SPOPL: variants seen among roughly 807,000 people sequenced by gnomAD.
SPOPL encodes speckle-type POZ protein-like.
Under a neutral mutation model 53.8 loss-of-function variants are expected in SPOPL, and 23 were observed. That is an observed-to-expected ratio of 0.43 (90% CI 0.31 to 0.61). SPOPL has a LOEUF of 0.61. SPOPL is among the 20% of genes least tolerant of loss of function. The pLI, the probability that SPOPL is intolerant of heterozygous loss-of-function variation, is 0.12. For synonymous variants in SPOPL, 164 were observed against 149.7 expected (o/e 1.10, Z -0.70); for missense variants, 442 against 466.9 (o/e 0.95, Z 0.49).
intron 1 of SPOPL, among the ~76,000 whole-genome samples, chr2:138,534,878 T>C (rs1684894418): frequency 6.6e-6 from 1 of 152,262 alleles, no homozygotes; most frequent in African/African-American, 2.4e-5. Context: ...CTATCTTCTT[T>C]CACTTAGCAT....
rs941799588 is a variant in SPOPL, at chr2:138,526,670, G to A, written c.-60-23487G>A. Among the ~76,000 whole-genome samples the A allele has an allele frequency of 1.5e-4, 22 of 151,700 alleles. No individual in the cohort carries two copies. The East Asian group carries it at 2.5e-3, about 17-fold the overall frequency. On this transcript the variant is annotated intron_variant, in intron 1 of 10. Transcript: ENST00000280098. Reference sequence around the variant, plus strand: ...AAATATAGGATGTCAAACTTTTCAAGTATGTGTTGTCTGAAAATGTCCTTT... The same window carrying A: ...AAATATAGGATGTCAAACTTTTCAAATATGTGTTGTCTGAAAATGTCCTTT...
At chr2:138,517,820 G>C (rs1266975657) in intron 1 of SPOPL, among the ~76,000 whole-genome samples, 4 of 151,882 alleles carry the variant, frequency 2.6e-5, no homozygotes, top group Non-Finnish European at 5.9e-5. Flanking sequence ...GCCGAGGCGG[G>C]CGGATCACCT....
At position 138,536,534 on chromosome 2, in the gene SPOPL, A is replaced by G. The variant is rs1684940446; in HGVS notation, c.-60-13623A>G. 3.3e-5 allele frequency among the ~76,000 whole-genome samples: 5 copies of G among 152,204 alleles called. 1 individual carries two copies. The South Asian group carries it at 1.0e-3, about 31-fold the overall frequency. Reference sequence around the variant, plus strand: ...ACTGTTTTCAACAATGCCCTGGGGCATTATGTTGTTCTGCAGACTCATCAA... The same window carrying G: ...ACTGTTTTCAACAATGCCCTGGGGCGTTATGTTGTTCTGCAGACTCATCAA... On this transcript the variant is annotated intron_variant, in intron 1 of 10. Transcript: ENST00000280098.
intron 1 of SPOPL, among the ~76,000 whole-genome samples, chr2:138,516,818 C>G (rs1684447731): frequency 6.6e-6 from 1 of 152,294 alleles, no homozygotes; most frequent in African/African-American, 2.4e-5. Flanking sequence ...TTCCTTTTTT[C>G]TAGATCCTTC....
Position 138,569,003 on chromosome 2 carries a change from G to A in SPOPL, c.1102G>A (p.Ala368Thr). 1.2e-6 allele frequency: 2 copies of A among 1,614,060 alleles called. No individual in the cohort carries two copies. Among genetic ancestry groups the A allele is most frequent in the Non-Finnish European group, 1.7e-6 (2 of 1,179,932 alleles). Reference protein sequence around the residue: ...SMIQSHPHLVAEAFRALASAQ... With the variant: ...SMIQSHPHLVTEAFRALASAQ... The stretch of plus-strand genomic sequence containing the variant: ...GATTCAGTCTCACCCTCATTTAGTA[G>A]CAGAAGCCTTTCGAGCACTAGCATC... The change falls in exon 11 of 11, where the codon GCA becomes ACA. Residue 368 changes from alanine (A) to threonine (T), a missense_variant. Ala to Thr is a moderately conservative substitution (Grantham distance 58, BLOSUM62 0). Coordinates refer to ENST00000280098, the MANE Select transcript of SPOPL (RefSeq NM_001001664.3).
chr2:138,559,465 G>A, intron 7 of SPOPL, 128 bp downstream of exon 7: 4 of 885,346 alleles, frequency 4.5e-6, no homozygotes, highest in Non-Finnish European at 5.1e-6. Context: ...TTTACAAACA[G>A]GAAAAAAATG....
chr2:138,518,520 A>G (rs1684493515), intron 1 of SPOPL, among the ~76,000 whole-genome samples: 1 of 152,246 alleles, frequency 6.6e-6, no homozygotes, highest in Non-Finnish European at 1.5e-5. Flanking sequence ...TTAATTTACA[A>G]AGTTTTATAC....
At chr2:138,568,296 C>T (rs1321256594) in intron 10 of SPOPL, among the ~76,000 whole-genome samples, 3 of 151,920 alleles carry the variant, frequency 2.0e-5, no homozygotes, top group Non-Finnish European at 4.4e-5. Context: ...AGGGTGACTG[C>T]CAGATTTCCA....
intron 1 of SPOPL, among the ~76,000 whole-genome samples, chr2:138,535,164 A>C (rs1684899926): frequency 6.6e-6 from 1 of 152,176 alleles, no homozygotes; most frequent in African/African-American, 2.4e-5. Flanking sequence ...AGAGCAAGAC[A>C]CTGTTTAAAA....
At chr2:138,567,372 A>AGTGTGTGTGTGTGTGTGTGTGTGT (rs57208490) in intron 10 of SPOPL, among the ~76,000 whole-genome samples, 2 of 113,038 alleles carry the variant, frequency 1.8e-5, no homozygotes, top group East Asian at 2.5e-4. Flanking sequence ...AGAGCAGTAT[A>AGTGTGTGTGTGTGTGTGTGTGTGT]GTGTGTGTGT....
intron 1 of SPOPL, among the ~76,000 whole-genome samples, chr2:138,516,063 CAG>C (rs990768165): frequency 6.6e-5 from 10 of 152,024 alleles, no homozygotes; most frequent in East Asian, 1.9e-4. Flanking sequence ...ACAAAAAAAA[CAG>C]AAGTACATGT....
At chr2:138,527,004 G>A (rs1319317831) in intron 1 of SPOPL, among the ~76,000 whole-genome samples, 2 of 152,124 alleles carry the variant, frequency 1.3e-5, no homozygotes, top group Admixed American at 6.5e-5. Flanking sequence ...GGGATTACAG[G>A]CAGCAGCCAT....
chr2:138,529,531 T>TGCGCGC (rs1218250973), intron 1 of SPOPL, among the ~76,000 whole-genome samples: 90 of 88,958 alleles, frequency 1.0e-3, no homozygotes, highest in Non-Finnish European at 1.8e-3. Context: ...TGTGTGTGTG[T>TGCGCGC]GTGTTTGCGT....
intron 1 of SPOPL, among the ~76,000 whole-genome samples, chr2:138,522,348 G>A (rs1684577471): frequency 1.3e-5 from 2 of 152,152 alleles, no homozygotes; most frequent in African/African-American, 2.4e-5. Context: ...GTTGCCTTTT[G>A]CTTGGGGCAG....
At chr2:138,561,550 G>A (rs1573908774) in intron 8 of SPOPL, among the ~76,000 whole-genome samples, 1 of 152,222 alleles carries the variant, frequency 6.6e-6, no homozygotes, top group East Asian at 1.9e-4. Context: ...GATGGTATGT[G>A]TGTATATATA....
At chr2:138,537,774 A>G (rs1260411365) in intron 1 of SPOPL, among the ~76,000 whole-genome samples, 2 of 151,810 alleles carry the variant, frequency 1.3e-5, no homozygotes, top group Non-Finnish European at 2.9e-5. Flanking sequence ...AAGACCACAG[A>G]CTCTCACTTT....
intron 1 of SPOPL, among the ~76,000 whole-genome samples, chr2:138,504,046 T>A (rs1684162637): frequency 6.6e-6 from 1 of 152,232 alleles, no homozygotes; most frequent in Non-Finnish European, 1.5e-5. Flanking sequence ...CTTATTACAT[T>A]TTTAAAGGAC....
chr2:138,566,407 T>G (rs1156426893), intron 10 of SPOPL, among the ~76,000 whole-genome samples: 1 of 152,220 alleles, frequency 6.6e-6, no homozygotes. Context: ...AAAAAATAGC[T>G]TGTTTTGTAC....
At chr2:138,525,835 C>CA (rs758644476) in intron 1 of SPOPL, among the ~76,000 whole-genome samples, 2,287 of 105,464 alleles carry the variant, frequency 0.022, 53 homozygotes, top group African/African-American at 0.064. Context: ...GAACCTGTCT[C>CA]AAAAAAAAAA....
Sources: gnomAD v4.1 joint callset for allele counts (sites outside exome capture counted in the v4.1 genomes callset) on GRCh38, gnomAD v4.1.1 for gene constraint, MANE v1.5 for transcripts, NCBI Gene and HGNC (gene_info 2026-07-23, HGNC 2026-07-21) for gene names.